Variants in PRKG1 observed in about 807,000 individuals in gnomAD.
The protein encoded by PRKG1 is cGMP-dependent protein kinase 1.
In PRKG1, 35 loss-of-function variants were observed where a neutral mutation model predicts 88.1. The observed-to-expected ratio is 0.40, with a 90% CI of 0.30 to 0.53. PRKG1 has a LOEUF of 0.53. PRKG1 is among the 20% of genes least tolerant of loss of function. The pLI, the probability that PRKG1 is intolerant of heterozygous loss-of-function variation, is 0.59. For synonymous variants in PRKG1, 303 were observed against 292.5 expected, an observed-to-expected ratio of 1.04 and a Z score of -0.37; for missense variants, 540 against 839.8, an observed-to-expected ratio of 0.64 and a Z score of 4.41.
At chr10:52,136,213 G>A (rs1258094439) in intron 8 of PRKG1, among the ~76,000 whole-genome samples, 1 of 152,082 alleles carries the variant, frequency 6.6e-6, no homozygotes, top group Admixed American at 6.6e-5. Context: ...CAGGAAGTTG[G>A]AGCAAATGAA....
chr10:51,599,901 TG>T (rs1452053883), intron 3 of PRKG1, among the ~76,000 whole-genome samples: 1 of 152,190 alleles, frequency 6.6e-6, no homozygotes. Flanking sequence ...CTTGTAAATT[TG>T]CTTTCAAAAT....
chr10:51,090,760 T>C (rs2131864201), intron 1 of PRKG1, among the ~76,000 whole-genome samples: 1 of 152,344 alleles, frequency 6.6e-6, no homozygotes, highest in African/African-American at 2.4e-5. Context: ...ATGGCATTGC[T>C]GCTCTGGTTG....
chr10:51,446,083 T>C (rs189693784), intron 2 of PRKG1, among the ~76,000 whole-genome samples: 70 of 152,088 alleles, frequency 4.6e-4, no homozygotes, highest in African/African-American at 1.7e-3. Context: ...TTTAGTGATA[T>C]TCTGCAACTT....
chr10:51,903,810 TCCA>T (rs1842030172), intron 4 of PRKG1, among the ~76,000 whole-genome samples: 1 of 152,118 alleles, frequency 6.6e-6, no homozygotes, highest in Admixed American at 6.6e-5. Context: ...AGCAATCAAC[TCCA>T]CCATCATTTA....
intron 2 of PRKG1, among the ~76,000 whole-genome samples, chr10:51,347,099 G>C (rs527878720): frequency 1.2e-4 from 18 of 148,212 alleles, no homozygotes; most frequent in African/African-American, 4.5e-4. Context: ...GCGGCCACAT[G>C]CTTCCCTGTT....
chr10:51,702,400 A>C (rs1841491429), intron 3 of PRKG1, among the ~76,000 whole-genome samples: 1 of 152,132 alleles, frequency 6.6e-6, no homozygotes, highest in African/African-American at 2.4e-5. Context: ...GCTCAGATAA[A>C]CCTATGTATA....
At chr10:52,247,694 T>C (rs1217462944) in intron 9 of PRKG1, among the ~76,000 whole-genome samples, 1 of 152,224 alleles carries the variant, frequency 6.6e-6, no homozygotes, top group Admixed American at 6.5e-5. Flanking sequence ...AGGTTCATTA[T>C]GCAGTGATTT....
chr10:52,007,682 C>A (rs1451408928), intron 5 of PRKG1, among the ~76,000 whole-genome samples: 1 of 152,128 alleles, frequency 6.6e-6, no homozygotes, highest in Non-Finnish European at 1.5e-5. Context: ...TAGTGGAAGT[C>A]TTCAACACTC....
At chr10:51,729,706 CAAAAAAAAAA>C (rs34900286) in intron 3 of PRKG1, among the ~76,000 whole-genome samples, 1 of 28,782 alleles carries the variant, frequency 3.5e-5, no homozygotes, top group Non-Finnish European at 6.2e-5. Context: ...GACTCCATCT[CAAAAAAAAAA>C]AAAAAAAAAA....
At chr10:51,740,034 T>A (rs1184110331) in intron 3 of PRKG1, among the ~76,000 whole-genome samples, 1 of 152,120 alleles carries the variant, frequency 6.6e-6, no homozygotes, top group Non-Finnish European at 1.5e-5. Flanking sequence ...CACACAGATA[T>A]TTTTTTCTTT....
At chr10:51,698,227 A>C (rs1315238263) in intron 3 of PRKG1, 1 of 1,613,830 alleles carries the variant, frequency 6.2e-7, no homozygotes, top group Non-Finnish European at 8.5e-7. Context: ...TTTCCATCGC[A>C]CAGGTCTCCA....
chr10:51,919,804 C>T (rs1360058294), intron 5 of PRKG1, among the ~76,000 whole-genome samples: 1 of 152,028 alleles, frequency 6.6e-6, no homozygotes, highest in Non-Finnish European at 1.5e-5. Flanking sequence ...ACTTGTCTGT[C>T]TCCCAGTTTT....
At chr10:51,272,980 T>C (rs1840021025) in intron 2 of PRKG1, among the ~76,000 whole-genome samples, 1 of 152,196 alleles carries the variant, frequency 6.6e-6, no homozygotes, top group African/African-American at 2.4e-5. Context: ...AATTAGCCTG[T>C]AGTGTTAGAA....
Position 52,293,920 on chromosome 10 carries a change from T to C in PRKG1, c.*20T>C, listed in dbSNP as rs1240904430. ...TTCTAATGTATTTCTCTTACCTGCT[T>C]CTGCCTTGCTGAAGACAGCTTTTTC... On this transcript the variant is annotated 3_prime_UTR_variant, in exon 18 of 18. Transcript: ENST00000373980. 6.3e-7 allele frequency: 1 copy of C among 1,588,004 alleles called. No individual in the cohort carries two copies. Among genetic ancestry groups the C allele is most frequent in the Non-Finnish European group, 8.6e-7 (1 of 1,158,622 alleles).
At chr10:51,578,964 G>A (rs1294493461) in intron 3 of PRKG1, among the ~76,000 whole-genome samples, 2 of 128,978 alleles carry the variant, frequency 1.6e-5, no homozygotes, top group Admixed American at 1.6e-4. Context: ...AGAAGAGTTT[G>A]GAATAAGTTC....
At chr10:52,145,570 G>A (rs1271272999) in intron 8 of PRKG1, among the ~76,000 whole-genome samples, 1 of 152,114 alleles carries the variant, frequency 6.6e-6, no homozygotes, top group Non-Finnish European at 1.5e-5. Flanking sequence ...GGGAGGTGGA[G>A]GGCACCAGGA....
chr10:51,516,533 G>A (rs1303670570), intron 3 of PRKG1, among the ~76,000 whole-genome samples: 3 of 152,136 alleles, frequency 2.0e-5, no homozygotes, highest in Non-Finnish European at 4.4e-5. Flanking sequence ...TGAAGGTGGG[G>A]TTTTGCCAGG....
chr10:51,082,896 C>A (rs1028160461), intron 1 of PRKG1, among the ~76,000 whole-genome samples: 1 of 152,106 alleles, frequency 6.6e-6, no homozygotes, highest in Non-Finnish European at 1.5e-5. Context: ...TGCTGGGCAC[C>A]ACCTCCAGAG....
chr10:51,273,523 C>G lies in PRKG1; in HGVS notation c.478+120193C>G, dbSNP rs560458004. ...TGGGTGACAGAGAGAGACCCTGTCT[C>G]TAAATAAATAAATAATAAAATAAAA... is the stretch of plus-strand genomic sequence containing the variant. On this transcript the variant is annotated intron_variant, in intron 2 of 17. Transcript: ENST00000373980. 2.0e-5 allele frequency among the ~76,000 whole-genome samples: 3 copies of G among 152,112 alleles called. No individual in the cohort carries two copies. The South Asian group carries it at 6.2e-4, about 32-fold the overall frequency.
Sources: gnomAD v4.1 joint callset for allele counts (sites outside exome capture counted in the v4.1 genomes callset) on GRCh38, gnomAD v4.1.1 for gene constraint, MANE v1.5 for transcripts, NCBI Gene and HGNC (gene_info 2026-07-23, HGNC 2026-07-21) for gene names.